The following KLK8 variants were observed in gnomAD, a reference collection of about 807,000 sequenced individuals.
KLK8 encodes the protein kallikrein-8.
In KLK8, 18 loss-of-function variants were observed where a neutral mutation model predicts 26.7. The ratio of observed to expected loss-of-function variants is 0.67; its 90% CI spans 0.47 to 1.00. KLK8 has a LOEUF of 1.00. Ranked by LOEUF, KLK8 falls within the 50% of genes least tolerant of loss-of-function variation. KLK8 has a pLI of 0.00. For synonymous variants in KLK8, 137 were observed against 127.1 expected (o/e 1.08, Z -0.52); for missense variants, 301 against 331.7 (o/e 0.91, Z 0.72).
rs1205414190 is a variant in KLK8 at position 51,000,321 on chromosome 19, CA to C, written c.231-64del. The C allele has an allele frequency of 3.2e-6, 5 of 1,539,738 alleles. No individual in the cohort carries two copies. The African/African-American group carries it at 6.9e-5, about 21-fold the overall frequency. On this transcript the variant is annotated intron_variant, in intron 4 of 6. Coordinates refer to ENST00000600767, the Ensembl canonical transcript of KLK8. The stretch of plus-strand genomic sequence containing the variant: ...TATTGCCCCCAGCCCCCTCCTCCTT[CA>C]GACCCAGGAGTCCAGTCCTCAGCTC...
chr19:51,001,128 A>G, exon 3 of KLK8: 2 of 1,613,586 alleles, frequency 1.2e-6, no homozygotes, highest in Non-Finnish European at 1.7e-6. Context: ...AAGAGCAGGA[A>G]CATCCACGTC....
chr19:51,000,793 G>T, intron 3 of KLK8: 1 of 1,418,376 alleles, frequency 7.1e-7, no homozygotes, highest in South Asian at 1.4e-5. Flanking sequence ...GCCCCCACAT[G>T]CTTCCACATG....
chr19:50,998,052 C>T (rs1390943804), intron 5 of KLK8, 168 bp from the exon 5 acceptor site: 42 of 734,454 alleles, frequency 5.7e-5, no homozygotes, highest in Admixed American at 1.1e-4. Context: ...CCACATTAAA[C>T]GAAGCTGTAC....
intron 6 of KLK8, among the ~76,000 whole-genome samples, chr19:50,997,003 C>T (rs112137628): frequency 2.9e-4 from 44 of 151,404 alleles, no homozygotes; most frequent in African/African-American, 1.1e-3. Context: ...ACAGAACAAT[C>T]CAGAGACTGG....
At chr19:50,998,800 C>T (rs534168692) in intron 5 of KLK8, among the ~76,000 whole-genome samples, 2 of 152,254 alleles carry the variant, frequency 1.3e-5, no homozygotes, top group East Asian at 3.9e-4. Context: ...TAGGAGAACA[C>T]AATGAAGAAA....
intron 5 of KLK8, 127 bp downstream of exon 4, chr19:50,999,869 A>AG (rs1406411436): frequency 2.0e-6 from 2 of 1,008,982 alleles, no homozygotes. Context: ...CCTGCTTGTG[A>AG]ATCTCAACAT....
intron 3 of KLK8, 47 bp downstream of exon 2, chr19:51,001,051 C>T: frequency 6.5e-7 from 1 of 1,541,816 alleles, no homozygotes; most frequent in Non-Finnish European, 8.9e-7. Context: ...AGCGCCACTG[C>T]TGCCTTCAGA....
chr19:50,996,893 GACACACACACACACACACAC>G (rs368604260), intron 6 of KLK8, among the ~76,000 whole-genome samples: 2 of 81,238 alleles, frequency 2.5e-5, no homozygotes, highest in African/African-American at 4.8e-5. Context: ...GATTCTTATG[GACACACACACACACACACAC>G]ACACACACAC....
At chr19:50,999,582 G>GAAAA in intron 5 of KLK8, among the ~76,000 whole-genome samples, 1 of 8,490 alleles carries the variant, frequency 1.2e-4, no homozygotes. Flanking sequence ...GTGTCCCCCT[G>GAAAA]CAAAAAAAAA....
Position 51,000,253 on chromosome 19 carries a change from T to C in KLK8, c.236A>G (p.Tyr79Cys), listed in dbSNP as rs1401019056. The change falls in exon 5 of 7, where the codon TAC (tyrosine) becomes TGC (cysteine). Residue 79 changes from tyrosine to cysteine, a missense_variant. Coordinates refer to ENST00000600767, the Ensembl canonical transcript of KLK8. ...GCTGTGGTCTCCCAGGCGTACTGTG[T>C]ATTTCCTGTAATGGTGGGGATAGTT... The C allele has an allele frequency of 3.2e-6, 5 of 1,582,620 alleles. No homozygotes were observed. In the African/African-American group the frequency reaches 5.4e-5, roughly 17 times the overall value.
chr19:50,999,400 C>T lies in KLK8; in HGVS notation c.493+596G>A, dbSNP rs55996051. On this transcript the variant is annotated intron_variant, in intron 5 of 6. Transcript: ENST00000600767. ...TTCGAGACCAGCCTGGTCAACATGG[C>T]GAAACCCTGTCTCTACAACAAATAC... Among the ~76,000 whole-genome samples the T allele has an allele frequency of 9.1e-3, 1,381 of 151,154 alleles. 75 individuals carry two copies. In the East Asian group the frequency reaches 0.15, roughly 16 times the overall value.
intron 5 of KLK8, chr19:50,999,365 A>T (rs1202562807): frequency 6.6e-6 from 1 of 151,954 alleles, no homozygotes; most frequent in Non-Finnish European, 1.5e-5. Context: ...AGATCACTTG[A>T]GGTCAGGAGT....
At chr19:50,996,893 GACACACACACACACAC>G (rs368604260) in intron 6 of KLK8, among the ~76,000 whole-genome samples, 63 of 81,302 alleles carry the variant, frequency 7.7e-4, no homozygotes, top group South Asian at 2.3e-3. Flanking sequence ...GATTCTTATG[GACACACACACACACAC>G]ACACACACAC....
In KLK8 at chr19:51,000,147, C is replaced by T. The variant is rs761525447; in HGVS notation, c.342G>A (p.Val114=). 6 of 1,613,808 alleles carry T rather than the reference C, an allele frequency of 3.7e-6. No individual in the cohort carries two copies. The East Asian group carries it at 8.9e-5, about 24-fold the overall frequency. ...GCATCAGATCATGGTTGTGGTCCTCCACATCGCTGCTGTTGTAGCAGGGGT... is the reference window on the plus strand; with the variant it reads ...GCATCAGATCATGGTTGTGGTCCTCTACATCGCTGCTGTTGTAGCAGGGGT... Residue 114 remains valine, a synonymous_variant, in exon 5 of 7, where the codon GTG becomes GTA. Transcript: ENST00000600767.
chr19:51,000,462 A>C, exon 4 of KLK8: 2 of 1,613,148 alleles, frequency 1.2e-6, no homozygotes, highest in Non-Finnish European at 1.7e-6. Flanking sequence ...CCCAGTTGCC[A>C]CCTACAAGGA....
chr19:51,000,649 T>TGTG, intron 3 of KLK8, 66 bp from the exon 3 acceptor site: 1 of 1,593,016 alleles, frequency 6.3e-7, no homozygotes, highest in Non-Finnish European at 8.6e-7. Flanking sequence ...GGAAGGCCAC[T>TGTG]GTGGGTTCAA....
intron 5 of KLK8, 177 bp from the exon 5 acceptor site, chr19:50,998,061 A>T (rs1055826611): frequency 2.9e-6 from 2 of 699,728 alleles, no homozygotes; most frequent in Non-Finnish European, 4.7e-6. Context: ...ACGAAGCTGT[A>T]CTTGTTGCTA....
chr19:50,997,757 C>A, exon 6 of KLK8: 1 of 1,613,980 alleles, frequency 6.2e-7, no homozygotes, highest in Non-Finnish European at 8.5e-7. Context: ...TCACCTGGCA[C>A]GTGTCAGCCC....
intron 5 of KLK8, 159 bp from the exon 5 acceptor site, chr19:50,998,043 C>G: frequency 1.3e-6 from 1 of 788,434 alleles, no homozygotes. Context: ...CACTTCTCAC[C>G]ACATTAAACG....
Sources: allele counts gnomAD v4.1 joint callset (sites outside exome capture counted in the v4.1 genomes callset), GRCh38; gene constraint gnomAD v4.1.1; transcripts MANE v1.5; gene names NCBI Gene and HGNC (gene_info 2026-07-23, HGNC 2026-07-21).